MID1: variants seen among roughly 807,000 people sequenced by gnomAD.
The protein encoded by MID1 is midline 1.
A neutral mutation model predicts 40.4 loss-of-function variants in MID1; 7 were observed. That is an observed-to-expected ratio of 0.17 (90% CI 0.10 to 0.33). The LOEUF (loss-of-function observed/expected upper bound fraction) is 0.33, where lower values mean the gene tolerates loss of function less well. Ranked by LOEUF, MID1 falls within the 10% of genes least tolerant of loss-of-function variation. MID1 has a pLI of 1.00. For synonymous variants in MID1, 229 were observed against 221.2 expected (o/e 1.04, Z -0.31); for missense variants, 367 against 558.5 (o/e 0.66, Z 3.46).
At chrX:10,509,261 G>A (rs1160905838) in intron 3 of MID1, among the ~76,000 whole-genome samples, 1 of 111,585 alleles carries the variant, frequency 9.0e-6, no homozygotes, top group Non-Finnish European at 1.9e-5. Flanking sequence ...GTGTGTGTGT[G>A]TGTTTGGGAA....
rs868209405 is a variant in MID1 at position 10,736,123 on chromosome X, C to T, written c.-187+97431G>A. Among the ~76,000 whole-genome samples the T allele has an allele frequency of 1.8e-5, 2 of 111,816 alleles. 1 individual carries two copies. The highest frequency in any genetic ancestry group is 9.1e-3 in the Middle Eastern group (2 of 219). Reference sequence around the variant, plus strand: ...CCTCCCCAGTAGCTGGGACTACCGGCGCCTGCCACCACGCCCGGCTAATTT... The same window carrying T: ...CCTCCCCAGTAGCTGGGACTACCGGTGCCTGCCACCACGCCCGGCTAATTT... On this transcript the variant is annotated intron_variant, in intron 1 of 10. Coordinates refer to the MID1 transcript ENST00000380785.
Position 10,831,010 on chromosome X carries a change from C to T in MID1, c.-187+2544G>A, listed in dbSNP as rs143466628. On this transcript the variant is annotated intron_variant, in intron 1 of 10. Transcript: ENST00000380785. Reference sequence around the variant, plus strand: ...AGGCAGTTTCCTAACTTTAGCACATCATGACAGAGAAATTGATGCAATCTG... The same window carrying T: ...AGGCAGTTTCCTAACTTTAGCACATTATGACAGAGAAATTGATGCAATCTG... 7.2e-3 allele frequency among the ~76,000 whole-genome samples: 803 copies of T among 111,615 alleles called. 3 individuals are homozygous for T. The highest frequency in any genetic ancestry group is 0.032 in the South Asian group (83 of 2,629).
chrX:10,569,370 C>T (rs1934660756), intron 1 of MID1, among the ~76,000 whole-genome samples: 1 of 112,338 alleles, frequency 8.9e-6, no homozygotes, highest in Non-Finnish European at 1.9e-5. Flanking sequence ...AAAGCTTGTA[C>T]ATCTTTCTAC....
At chrX:10,644,540 C>G (rs1419469308) in intron 1 of MID1, among the ~76,000 whole-genome samples, 1 of 110,563 alleles carries the variant, frequency 9.0e-6, no homozygotes, top group Non-Finnish European at 1.9e-5. Context: ...GAGATCATTA[C>G]AGGTATTAGT....
chrX:10,808,900 T>C (rs2044069234), intron 1 of MID1, among the ~76,000 whole-genome samples: 3 of 111,765 alleles, frequency 2.7e-5, no homozygotes, highest in African/African-American at 9.8e-5. Context: ...CCAAAAGCAA[T>C]GGCAACAAAA....
intron 8 of MID1, among the ~76,000 whole-genome samples, chrX:10,456,545 A>G (rs963609756): frequency 8.0e-5 from 9 of 112,791 alleles, no homozygotes; most frequent in Non-Finnish European, 1.7e-4. Context: ...TACATATCAA[A>G]GAAAAGCTTA....
chrX:10,567,891 A>G (rs1416600549), intron 1 of MID1, among the ~76,000 whole-genome samples: 1 of 112,104 alleles, frequency 8.9e-6, no homozygotes, highest in Non-Finnish European at 1.9e-5. Context: ...AATGTAATTG[A>G]AACTGTAATT....
intron 4 of MID1, among the ~76,000 whole-genome samples, chrX:10,487,385 G>A (rs921036644): frequency 3.6e-5 from 4 of 111,516 alleles, no homozygotes; most frequent in Non-Finnish European, 7.5e-5. Context: ...TGATTTGTCC[G>A]TGCTAATACA....
chrX:10,454,722 T>C (rs916666299), intron 9 of MID1, 148 bp downstream of exon 9: 23 of 524,118 alleles, frequency 4.4e-5, no homozygotes, highest in Middle Eastern at 7.3e-4. Context: ...GGGGTGTTTG[T>C]TATGCAGTAT....
At chrX:10,591,549 C>T (rs1297412563) in intron 1 of MID1, among the ~76,000 whole-genome samples, 1 of 112,034 alleles carries the variant, frequency 8.9e-6, no homozygotes, top group Non-Finnish European at 1.9e-5. Context: ...GGGTGCCAGA[C>T]CATGGCAAGG....
intron 1 of MID1, among the ~76,000 whole-genome samples, chrX:10,585,018 C>T (rs747226205): frequency 2.3e-4 from 25 of 110,566 alleles, no homozygotes; most frequent in South Asian, 3.9e-4. Context: ...CTTCATGCAC[C>T]GGTGGTTAGA....
intron 1 of MID1, among the ~76,000 whole-genome samples, chrX:10,657,812 A>G (rs985537961): frequency 4.4e-5 from 5 of 112,477 alleles, no homozygotes; most frequent in Non-Finnish European, 9.4e-5. Context: ...TCAAATATTT[A>G]TGAAACATTG....
At chrX:10,808,246 G>A (rs776178635) in intron 1 of MID1, among the ~76,000 whole-genome samples, 1 of 111,805 alleles carries the variant, frequency 8.9e-6, no homozygotes, top group Non-Finnish European at 1.9e-5. Context: ...ATGATCCTAT[G>A]CTGTCCTTCT....
chrX:10,624,196 A>G (rs1935971944), upstream of MID1, among the ~76,000 whole-genome samples: 2 of 112,313 alleles, frequency 1.8e-5, no homozygotes, highest in African/African-American at 6.5e-5. Flanking sequence ...TAGACCTCAG[A>G]TAAGCCAGTT....
chrX:10,657,542 G>A (rs1037246599), intron 1 of MID1, among the ~76,000 whole-genome samples: 2 of 111,927 alleles, frequency 1.8e-5, no homozygotes, highest in East Asian at 5.6e-4. Flanking sequence ...TGACCTTCCT[G>A]ATAGTAGAGT....
chrX:10,830,206 C>T (rs926622672), intron 1 of MID1, among the ~76,000 whole-genome samples: 1 of 112,111 alleles, frequency 8.9e-6, no homozygotes, highest in African/African-American at 3.2e-5. Flanking sequence ...CATTGCCCAC[C>T]AGTGTTTTGT....
intron 2 of MID1, among the ~76,000 whole-genome samples, chrX:10,526,867 A>G (rs1932844621): frequency 9.0e-6 from 1 of 111,565 alleles, no homozygotes; most frequent in Non-Finnish European, 1.9e-5. Context: ...TGGGAGAGAG[A>G]CTTGTTTCCA....
chrX:10,544,174 G>A (rs921399045), intron 2 of MID1, among the ~76,000 whole-genome samples: 3 of 111,178 alleles, frequency 2.7e-5, no homozygotes, highest in Non-Finnish European at 3.8e-5. Flanking sequence ...TTATGGCATC[G>A]TTCTTTAAAA....
intron 3 of MID1, among the ~76,000 whole-genome samples, chrX:10,522,776 G>A (rs1451495603): frequency 2.7e-5 from 3 of 112,014 alleles, no homozygotes; most frequent in Non-Finnish European, 3.8e-5. Flanking sequence ...GGTTACAGGC[G>A]TGAGCCACCA....
Sources: gnomAD v4.1 joint callset for allele counts (sites outside exome capture counted in the v4.1 genomes callset) on GRCh38, gnomAD v4.1.1 for gene constraint, MANE v1.5 for transcripts, NCBI Gene and HGNC (gene_info 2026-07-23, HGNC 2026-07-21) for gene names.